PELI1: variants seen among roughly 807,000 people sequenced by gnomAD.
The protein encoded by PELI1 is pellino E3 ubiquitin protein ligase 1, also known as E3 ubiquitin-protein ligase pellino homolog 1.
Under a neutral mutation model 41.3 loss-of-function variants are expected in PELI1, and 15 were observed. The observed-to-expected ratio is 0.36, with a 90% confidence interval of 0.24 to 0.56. The LOEUF is 0.56. Ranked by LOEUF, PELI1 falls within the 20% of genes least tolerant of loss-of-function variation. PELI1 has a pLI of 0.82. For synonymous variants in PELI1, 178 were observed against 180.1 expected (o/e 0.99, Z 0.09); for missense variants, 403 against 525.5 (o/e 0.77, Z 2.28).
intron 1 of PELI1, among the ~76,000 whole-genome samples, chr2:64,136,833 G>T (rs1381977749): frequency 6.6e-6 from 1 of 152,216 alleles, no homozygotes; most frequent in African/African-American, 2.4e-5. Flanking sequence ...AACTCAGGAG[G>T]TGGAGGTTGC....
Position 64,094,298 on chromosome 2 carries a change from A to AAGTT in PELI1, c.*400_*403dup, listed in dbSNP as rs1174165989. On this transcript the variant is annotated 3_prime_UTR_variant, in exon 7 of 7. Coordinates refer to ENST00000358912, the MANE Select transcript of PELI1 (RefSeq NM_020651.4). ...TTCTATAATAAAGATAAATAGAAAA[A>AAGTT]AGTTAATATACATGTCGCTGTATTT... is the stretch of plus-strand genomic sequence containing the variant. 1 of 160,654 alleles carries AAGTT rather than the reference A, an allele frequency of 6.2e-6. No individual in the cohort carries two copies. The highest frequency in any genetic ancestry group is 2.4e-5 in the African/African-American group (1 of 41,490). 10.0% of individuals were successfully genotyped at this position (160,654 alleles called of 1,614,324 possible).
chr2:64,140,127 C>G (rs371070913), intron 1 of PELI1, among the ~76,000 whole-genome samples: 13 of 152,182 alleles, frequency 8.5e-5, no homozygotes, highest in East Asian at 5.8e-4. Flanking sequence ...TGGGAAACCG[C>G]GGGTATTACA....
At chr2:64,141,112 G>A (rs1681898685) in intron 1 of PELI1, among the ~76,000 whole-genome samples, 1 of 152,162 alleles carries the variant, frequency 6.6e-6, no homozygotes, top group Admixed American at 6.5e-5. Context: ...GGAATTCACT[G>A]TTTATAGACT....
At chr2:64,095,934 C>T (rs971480769) in intron 6 of PELI1, among the ~76,000 whole-genome samples, 191 bp downstream of exon 6, 9 of 152,132 alleles carry the variant, frequency 5.9e-5, no homozygotes, top group East Asian at 1.9e-4. Flanking sequence ...TGAGCCACCG[C>T]GCCCGGCTAC....
chr2:64,124,709 C>A (rs2103724685), intron 1 of PELI1, among the ~76,000 whole-genome samples: 1 of 152,304 alleles, frequency 6.6e-6, no homozygotes, highest in Non-Finnish European at 1.5e-5. Context: ...TGCTGATAAT[C>A]TTGCATCATG....
chr2:64,093,391 CAAAA>C lies in PELI1; in HGVS notation c.*1307_*1310del, dbSNP rs996464566. 6.6e-6 allele frequency: 1 copy of C among 152,334 alleles called. No individual in the cohort carries two copies. The highest frequency in any genetic ancestry group is 2.4e-5 in the African/African-American group (1 of 41,338). 9.4% of individuals were successfully genotyped at this position (152,334 alleles called of 1,614,324 possible). On this transcript the variant is annotated 3_prime_UTR_variant, in exon 7 of 7. Transcript: ENST00000358912. ...AAAGTGTACTGGTTTCTACAAGTGT[CAAAA>C]AAAGATTTGATGTAGTGCAACTGTC...
chr2:64,104,681 C>CTTTT lies in PELI1; in HGVS notation c.201+16_201+19dup, dbSNP rs537000200. 5.0e-4 allele frequency: 732 copies of CTTTT among 1,465,504 alleles called. 1 individual carries two copies. Among genetic ancestry groups the CTTTT allele is most frequent in the South Asian group, 1.7e-3 (123 of 71,192 alleles). 90.8% of individuals were successfully genotyped at this position (1,465,504 alleles called of 1,614,324 possible). A position where few individuals can be genotyped will look rare whatever the true frequency, so the allele number is the denominator to read the frequency against. On this transcript the variant is annotated intron_variant, in intron 3 of 6. Coordinates refer to ENST00000358912, the MANE Select transcript of PELI1 (RefSeq NM_020651.4). Reference sequence around the variant, plus strand: ...AAATTCTCCAAGTTAATTTATGTAGCTTTTTTTTTTTTTTTTTACCTTTGC... The same window carrying CTTTT: ...AAATTCTCCAAGTTAATTTATGTAGCTTTTTTTTTTTTTTTTTTTTTACCTTTGC...
chr2:64,111,011 T>C (rs776691472), intron 1 of PELI1, among the ~76,000 whole-genome samples: 2 of 151,712 alleles, frequency 1.3e-5, no homozygotes, highest in Non-Finnish European at 2.9e-5. Context: ...CAATAAATAA[T>C]CCCCAAAATA....
At chr2:64,110,237 T>G (rs1558477317) in intron 1 of PELI1, among the ~76,000 whole-genome samples, 1 of 115,116 alleles carries the variant, frequency 8.7e-6, no homozygotes, top group Non-Finnish European at 1.6e-5. Flanking sequence ...AGAGTGAGAC[T>G]CCGTCTCAAG....
chr2:64,121,846 G>T (rs1297158504), intron 1 of PELI1, among the ~76,000 whole-genome samples: 1 of 151,430 alleles, frequency 6.6e-6, no homozygotes, highest in East Asian at 1.9e-4. Flanking sequence ...CGGAGGTTGT[G>T]GTGAGCCGAG....
At position 64,126,351 on chromosome 2, in the gene PELI1, A is replaced by G. The variant is rs570929888; in HGVS notation, c.-70+17730T>C. ...GCTAATTTTTGTATTTTTAGTAGAG[A>G]CGGGGTTTCATCATGTTGGCCAGGA... On this transcript the variant is annotated intron_variant, in intron 1 of 6. Coordinates refer to ENST00000358912, the MANE Select transcript of PELI1 (RefSeq NM_020651.4). Among the ~76,000 whole-genome samples, 92 of 152,204 alleles carry G rather than the reference A, an allele frequency of 6.0e-4. 1 individual carries two copies. The highest frequency in any genetic ancestry group is 2.1e-3 in the African/African-American group (89 of 41,530).
chr2:64,101,329 T>TAAA (rs538288635), intron 3 of PELI1, among the ~76,000 whole-genome samples: 19 of 139,870 alleles, frequency 1.4e-4, no homozygotes, highest in African/African-American at 4.7e-4. Flanking sequence ...GAAAAAAATT[T>TAAA]AAAAAAAAAA....
intron 1 of PELI1, among the ~76,000 whole-genome samples, chr2:64,133,719 T>C (rs1476872741): frequency 6.6e-6 from 1 of 152,116 alleles, no homozygotes; most frequent in Non-Finnish European, 1.5e-5. Context: ...TGTATCATAT[T>C]GCCTCTCCTC....
At chr2:64,126,150 A>C (rs1681375610) in intron 1 of PELI1, among the ~76,000 whole-genome samples, 1 of 152,048 alleles carries the variant, frequency 6.6e-6, no homozygotes, top group Admixed American at 6.5e-5. Context: ...AGCAGTTCTT[A>C]AACCAAGGGC....
chr2:64,096,646 A>G (rs781545316), intron 4 of PELI1, 36 bp from the exon 5 acceptor site: 1 of 1,402,976 alleles, frequency 7.1e-7, no homozygotes, highest in Non-Finnish European at 1.0e-6. Flanking sequence ...AAACCCATTC[A>G]AAGAGCACAG....
At chr2:64,117,541 C>A (rs977329068) in intron 1 of PELI1, among the ~76,000 whole-genome samples, 1 of 152,026 alleles carries the variant, frequency 6.6e-6, no homozygotes, top group Non-Finnish European at 1.5e-5. Context: ...TAACTTTAAG[C>A]CTTTTAGTTT....
At chr2:64,129,876 G>C (rs1681499456) in intron 1 of PELI1, among the ~76,000 whole-genome samples, 1 of 152,186 alleles carries the variant, frequency 6.6e-6, no homozygotes, top group Non-Finnish European at 1.5e-5. Context: ...GAAGATTAAA[G>C]TAGCACTTTT....
At position 64,136,375 on chromosome 2, in the gene PELI1, A is replaced by G. The variant is rs563567012; in HGVS notation, c.-70+7706T>C. 3.5e-4 allele frequency among the ~76,000 whole-genome samples: 53 copies of G among 152,240 alleles called. No homozygotes were observed. The Middle Eastern group carries it at 0.017, about 49-fold the overall frequency. ...CAGTATATGGTAAGAGAGTCTGGCTATCTATACATACACATGCATACATAC... is the reference window on the plus strand; with the variant it reads ...CAGTATATGGTAAGAGAGTCTGGCTGTCTATACATACACATGCATACATAC... On this transcript the variant is annotated intron_variant, in intron 1 of 6. Transcript: ENST00000358912.
rs201153257 is a variant in PELI1 at position 64,104,841 on chromosome 2, A to G, written c.72-11T>C. On this transcript the variant is annotated splice_polypyrimidine_tract_variant and intron_variant, in intron 2 of 6. Transcript: ENST00000358912. Reference sequence around the variant, plus strand: ...AGAGACCCATTATACCTGATGGGGGAAAAAAAGTATAGGTGATCTCTTGCA... The same window carrying G: ...AGAGACCCATTATACCTGATGGGGGGAAAAAAGTATAGGTGATCTCTTGCA... The G allele has an allele frequency of 2.7e-5, 43 of 1,600,678 alleles. No individual in the cohort carries two copies. Among genetic ancestry groups the G allele is most frequent in the African/African-American group, 5.4e-5 (4 of 74,392 alleles).
Sources: gnomAD v4.1 joint callset for allele counts (sites outside exome capture counted in the v4.1 genomes callset) on GRCh38, gnomAD v4.1.1 for gene constraint, MANE v1.5 for transcripts, NCBI Gene and HGNC (gene_info 2026-07-23, HGNC 2026-07-21) for gene names.